KCNA2: variants seen among roughly 807,000 people sequenced by gnomAD.
KCNA2 encodes potassium voltage-gated channel subfamily A member 2, also known as potassium channel, voltage gated shaker related subfamily A, member 2.
In KCNA2, 11 loss-of-function variants were observed where a neutral mutation model predicts 33.4. That is an observed-to-expected ratio of 0.33 (90% CI 0.21 to 0.55). The LOEUF is 0.55. Ranked by LOEUF, KCNA2 falls within the 20% of genes least tolerant of loss-of-function variation. KCNA2 has a pLI of 0.93. For missense variants in KCNA2, 291 were observed against 621.6 expected (o/e 0.47, Z 5.66); for synonymous variants, 222 against 231.3 (o/e 0.96, Z 0.37).
At position 110,613,874 on chromosome 1, in the gene KCNA2, T is replaced by C. The variant is rs570563747; in HGVS notation, c.-495-8152A>G. 3.9e-5 allele frequency among the ~76,000 whole-genome samples: 6 copies of C among 152,326 alleles called. No individual in the cohort carries two copies. The South Asian group carries it at 1.0e-3, about 26-fold the overall frequency. On this transcript the variant is annotated intron_variant, in intron 1 of 4. Transcript: ENST00000369770. ...CTGTGCTGTTCTCATAGAGTGGGTA[T>C]ACTGTGGGCTGGACCTCGTCCTGTC...
intron 1 of KCNA2, among the ~76,000 whole-genome samples, chr1:110,615,494 C>A (rs977234367): frequency 6.6e-6 from 1 of 152,240 alleles, no homozygotes; most frequent in Non-Finnish European, 1.5e-5. Context: ...TACTCCCAAA[C>A]TCTCCTGCTA....
chr1:110,618,808 G>A (rs986453946), intron 1 of KCNA2, among the ~76,000 whole-genome samples: 9 of 151,956 alleles, frequency 5.9e-5, no homozygotes, highest in Non-Finnish European at 1.0e-4. Flanking sequence ...ATCCAACAGG[G>A]ATTCCTATGG....
In KCNA2 at chr1:110,601,914, T is replaced by G; in HGVS notation, c.*1369A>C. The G allele has an allele frequency of 6.8e-7, 1 of 1,462,116 alleles. No individual in the cohort carries two copies. The highest frequency in any genetic ancestry group is 1.4e-5 in the South Asian group (1 of 70,614). The allele number at this position is 1,462,116 out of a possible 1,614,324, so 90.6% of individuals were successfully genotyped here. A position where few individuals can be genotyped will look rare whatever the true frequency, so the allele number is the denominator to read the frequency against. ...TGCATAAATTGCCCTTTGTCAAAAA[T>G]ATTGCATAAGCTTGTACAATGTTCA... is the stretch of plus-strand genomic sequence containing the variant. On this transcript the variant is annotated 3_prime_UTR_variant, in exon 3 of 3. Transcript: ENST00000316361.
chr1:110,620,514 C>CA (rs1650227312), intron 1 of KCNA2, among the ~76,000 whole-genome samples: 1 of 152,164 alleles, frequency 6.6e-6, no homozygotes, highest in Non-Finnish European at 1.5e-5. Flanking sequence ...TTAAGAACCC[C>CA]ACTTGGCAGA....
chr1:110,602,095 C>T lies in KCNA2; in HGVS notation c.*1188G>A, dbSNP rs1440350094. ...GTCATGCCCGCGACTAGGTTAATTC[C>T]TAAGGTGCAGTCATGTGAGGTGTTC... On this transcript the variant is annotated 3_prime_UTR_variant, in exon 3 of 3. Coordinates refer to ENST00000316361, the MANE Select transcript of KCNA2 (RefSeq NM_004974.4). The T allele has an allele frequency of 6.4e-7, 1 of 1,550,410 alleles. No individual in the cohort carries two copies. The highest frequency in any genetic ancestry group is 1.4e-5 in the African/African-American group (1 of 73,024).
At chr1:110,613,368 C>T (rs537738595) in intron 1 of KCNA2, among the ~76,000 whole-genome samples, 1 of 152,372 alleles carries the variant, frequency 6.6e-6, no homozygotes, top group African/African-American at 2.4e-5. Flanking sequence ...GGCCATGTCT[C>T]TTCTGCCCTT....
At chr1:110,615,470 C>T (rs945815766) in intron 1 of KCNA2, among the ~76,000 whole-genome samples, 2 of 152,172 alleles carry the variant, frequency 1.3e-5, no homozygotes, top group African/African-American at 4.8e-5. Context: ...AAGAACAAAA[C>T]ATCCTAAGTC....
At chr1:110,619,580 G>T (rs1387811286) in intron 1 of KCNA2, among the ~76,000 whole-genome samples, 1 of 152,268 alleles carries the variant, frequency 6.6e-6, no homozygotes, top group African/African-American at 2.4e-5. Flanking sequence ...GGCAATCTGG[G>T]AGGGCTGCGG....
chr1:110,604,675 C>T lies in KCNA2; in HGVS notation c.108G>A (p.Val36=). 1 of 1,614,168 alleles carries T rather than the reference C, an allele frequency of 6.2e-7. No individual in the cohort carries two copies. Among genetic ancestry groups the T allele is most frequent in the Non-Finnish European group, 8.5e-7 (1 of 1,180,028 alleles). ...EADHECCERV[V]INISGLRFET... is the part of the protein sequence containing the mutation. The stretch of plus-strand genomic sequence containing the variant: ...CAAACCGCAGCCCTGAGATGTTGAT[C>T]ACCACCCTCTCACAGCACTCGTGGT... The change falls in exon 3 of 3, where the codon GTG becomes GTA. Residue 36 remains valine, a synonymous_variant. Coordinates refer to ENST00000316361, the MANE Select transcript of KCNA2 (RefSeq NM_004974.4). This position sits in a 1 kb window ranked among gnomAD's most constrained non-coding sequence, Gnocchi z 7.6.
intron 1 of KCNA2, among the ~76,000 whole-genome samples, chr1:110,614,266 T>C (rs957343309): frequency 2.0e-5 from 3 of 152,226 alleles, no homozygotes; most frequent in Non-Finnish European, 4.4e-5. Flanking sequence ...CTCGGAAGTT[T>C]TCTAACTTCA....
chr1:110,601,874 A>G lies in KCNA2; in HGVS notation c.*1409T>C, dbSNP rs946223629. On this transcript the variant is annotated 3_prime_UTR_variant, in exon 3 of 3. Coordinates refer to ENST00000316361, the MANE Select transcript of KCNA2 (RefSeq NM_004974.4). Reference sequence around the variant, plus strand: ...TATGTATATATATACACCCTAGTGCACATAGTCAAACACATGCATAAATTG... The same window carrying G: ...TATGTATATATATACACCCTAGTGCGCATAGTCAAACACATGCATAAATTG... 2 of 1,448,168 alleles carry G rather than the reference A, an allele frequency of 1.4e-6. No individual in the cohort carries two copies. The highest frequency in any genetic ancestry group is 1.8e-6 in the Non-Finnish European group (2 of 1,105,296). The allele number at this position is 1,448,168 out of a possible 1,614,324, so 89.7% of individuals were successfully genotyped here.
chr1:110,606,692 G>C (rs950437498), upstream of KCNA2: 9 of 152,338 alleles, frequency 5.9e-5, no homozygotes, highest in Admixed American at 5.2e-4. Flanking sequence ...GACCGCCGAG[G>C]CTCAGTGTCC....
chr1:110,593,647 ATATT>A lies in KCNA2; in HGVS notation c.*9632_*9635del, dbSNP rs1648960712. On this transcript the variant is annotated 3_prime_UTR_variant, in exon 3 of 3. Coordinates refer to ENST00000316361, the MANE Select transcript of KCNA2 (RefSeq NM_004974.4). The stretch of plus-strand genomic sequence containing the variant: ...TGTTAAAATAAATCCCCAGTAATAT[ATATT>A]TATATACTTATTTACTTGTGTCAAT... 2.8e-6 allele frequency: 1 copy of A among 359,682 alleles called. No individual in the cohort carries two copies. Among genetic ancestry groups the A allele is most frequent in the African/African-American group, 2.1e-5 (1 of 47,604 alleles). The allele number at this position is 359,682 out of a possible 1,614,324, so 22.3% of individuals were successfully genotyped here. A position where few individuals can be genotyped will look rare whatever the true frequency, so the allele number is the denominator to read the frequency against.
At position 110,594,321 on chromosome 1, in the gene KCNA2, A is replaced by G. The variant is rs543154689; in HGVS notation, c.*8962T>C. 189 of 877,684 alleles carry G rather than the reference A, an allele frequency of 2.2e-4. No individual in the cohort carries two copies. The highest frequency in any genetic ancestry group is 3.9e-4 in the African/African-American group (21 of 53,632). The allele number at this position is 877,684 out of a possible 1,614,324, so 54.4% of individuals were successfully genotyped here. A position where few individuals can be genotyped will look rare whatever the true frequency, so the allele number is the denominator to read the frequency against. Reference sequence around the variant, plus strand: ...TATATATATATACATATATATATATATGTGTGTGTATATATATATACACAC... The same window carrying G: ...TATATATATATACATATATATATATGTGTGTGTGTATATATATATACACAC... On this transcript the variant is annotated 3_prime_UTR_variant, in exon 3 of 3. Coordinates refer to ENST00000316361, the MANE Select transcript of KCNA2 (RefSeq NM_004974.4).
At position 110,600,973 on chromosome 1, in the gene KCNA2, C is replaced by A; in HGVS notation, c.*2310G>T. On this transcript the variant is annotated 3_prime_UTR_variant, in exon 3 of 3. Transcript: ENST00000316361. ...TGCATAGCCCGACCCCTGCAATTCA[C>A]TGTTTGGGAAAATTAAGCTACTCCG... 1 of 985,532 alleles carries A rather than the reference C, an allele frequency of 1.0e-6. No homozygotes were observed. The highest frequency in any genetic ancestry group is 1.2e-6 in the Non-Finnish European group (1 of 830,010). The allele number at this position is 985,532 out of a possible 1,614,324, so 61.0% of individuals were successfully genotyped here. A position where few individuals can be genotyped will look rare whatever the true frequency, so the allele number is the denominator to read the frequency against.
In KCNA2 at chr1:110,602,347, C is replaced by T; in HGVS notation, c.*936G>A. 7.1e-7 allele frequency: 1 copy of T among 1,416,222 alleles called. No individual in the cohort carries two copies. The highest frequency in any genetic ancestry group is 9.2e-7 in the Non-Finnish European group (1 of 1,090,244). 87.7% of individuals were successfully genotyped at this position (1,416,222 alleles called of 1,614,324 possible). On this transcript the variant is annotated 3_prime_UTR_variant, in exon 3 of 3. Transcript: ENST00000316361. Reference sequence around the variant, plus strand: ...CTAAATATTAACACTGTGTAGGCTACTAGGAAAATAGGTTATCTCCTGTGT... The same window carrying T: ...CTAAATATTAACACTGTGTAGGCTATTAGGAAAATAGGTTATCTCCTGTGT...
In KCNA2 at chr1:110,594,559, G is replaced by A; in HGVS notation, c.*8724C>T. 1.0e-6 allele frequency: 1 copy of A among 985,378 alleles called. No individual in the cohort carries two copies. Among genetic ancestry groups the A allele is most frequent in the Non-Finnish European group, 1.2e-6 (1 of 829,942 alleles). The allele number at this position is 985,378 out of a possible 1,614,324, so 61.0% of individuals were successfully genotyped here. ...AGGGGTGCAGGGATGCAGAAAACCA[G>A]GAAGAGGCCAATTTGGCTGGGGTAT... On this transcript the variant is annotated 3_prime_UTR_variant, in exon 3 of 3. Transcript: ENST00000316361.
At chr1:110,622,238 G>A (rs1451581591) in intron 1 of KCNA2, among the ~76,000 whole-genome samples, 3 of 152,130 alleles carry the variant, frequency 2.0e-5, no homozygotes, top group South Asian at 2.1e-4. Context: ...ATATGAAAAA[G>A]CAAAACCACA....
At chr1:110,625,718 A>G (rs181369103) in intron 1 of KCNA2, among the ~76,000 whole-genome samples, 1 of 152,340 alleles carries the variant, frequency 6.6e-6, no homozygotes, top group Admixed American at 6.5e-5. Context: ...GCTAATCTTC[A>G]TATATAAAGA....
Sources: gnomAD v4.1 joint callset for allele counts (sites outside exome capture counted in the v4.1 genomes callset) on GRCh38, gnomAD v4.1.1 for gene constraint, Gnocchi (gnomAD v3.1) non-coding constraint, MANE v1.5 for transcripts, NCBI Gene and HGNC (gene_info 2026-07-23, HGNC 2026-07-21) for gene names.